PRR5L: variants seen among roughly 807,000 people sequenced by gnomAD.
PRR5L encodes the protein proline rich 5 like, also known as proline-rich protein 5-like.
A neutral mutation model predicts 36.4 loss-of-function variants in PRR5L; 21 were observed. That is an observed-to-expected ratio of 0.58 (90% CI 0.41 to 0.83). PRR5L has a LOEUF of 0.83. PRR5L is among the 40% of genes least tolerant of loss of function. The pLI is 0.00. For missense variants in PRR5L, 381 were observed against 473.3 expected (o/e 0.80, Z 1.81); for synonymous variants, 188 against 197.0 (o/e 0.95, Z 0.38).
chr11:36,462,616 C>A lies in PRR5L; in HGVS notation c.987C>A (p.Phe329Leu), dbSNP rs143061946. ...AGTGCCTGCTCCTGCCACCCAGCTT[C>A]CCCCCGCCCCACCGGCAGTGCTCCA... Reference protein sequence around the residue: ...ENKCLLLPPSFPPPHRQCSSE... With the variant: ...ENKCLLLPPSLPPPHRQCSSE... The change falls in exon 9 of 9, where the codon TTC becomes TTA. Residue 329 changes from phenylalanine to leucine, a missense_variant. Phe to Leu is a conservative substitution (Grantham distance 22). Coordinates refer to ENST00000530639, the MANE Select transcript of PRR5L (RefSeq NM_001160167.2). 6.2e-7 allele frequency: 1 copy of A among 1,612,326 alleles called. No individual in the cohort carries two copies. Among genetic ancestry groups the A allele is most frequent in the Non-Finnish European group, 8.5e-7 (1 of 1,179,828 alleles).
chr11:36,387,428 C>T (rs1354085308), intron 1 of PRR5L, among the ~76,000 whole-genome samples: 3 of 152,054 alleles, frequency 2.0e-5, no homozygotes, highest in Admixed American at 6.6e-5. Flanking sequence ...AAAAAGAAAT[C>T]GGTGATGGGC....
chr11:36,419,199 A>C, intron 3 of PRR5L, 56 bp from the exon 4 acceptor site: 5 of 1,556,864 alleles, frequency 3.2e-6, no homozygotes, highest in Non-Finnish European at 4.4e-6. Flanking sequence ...CATTGTCACC[A>C]TGAGCTGTAC....
At chr11:36,359,596 G>A (rs765230708) in intron 1 of PRR5L, among the ~76,000 whole-genome samples, 9 of 152,142 alleles carry the variant, frequency 5.9e-5, no homozygotes, top group Admixed American at 2.0e-4. Context: ...TCATTAAAAC[G>A]TAGAAAATAA....
intron 1 of PRR5L, among the ~76,000 whole-genome samples, 154 bp downstream of exon 1, chr11:36,296,592 C>T (rs1032560912): frequency 1.3e-5 from 2 of 152,204 alleles, no homozygotes; most frequent in African/African-American, 4.8e-5. Context: ...TGAAAAGCAA[C>T]AGAGGTCAAG....
Position 36,350,942 on chromosome 11 carries a change from A to ATG in PRR5L, c.-125-50054_-125-50053insGT, listed in dbSNP as rs1218331102. Among the ~76,000 whole-genome samples, 12 of 29,666 alleles carry ATG rather than the reference A, an allele frequency of 4.0e-4. 1 individual carries two copies. Among genetic ancestry groups the ATG allele is most frequent in the Non-Finnish European group, 6.3e-4 (11 of 17,364 alleles). 19.5% of individuals were successfully genotyped at this position (29,666 alleles called of 152,430 possible). On this transcript the variant is annotated intron_variant, in intron 1 of 8. Transcript: ENST00000530639. Reference sequence around the variant, plus strand: ...TATTTATATATATTTATATATTTATATATATATATTTATATATATTTATAT... The same window carrying ATG: ...TATTTATATATATTTATATATTTATATGTATATATATTTATATATATTTATAT...
At chr11:36,348,275 T>C (rs1856887789) in intron 1 of PRR5L, among the ~76,000 whole-genome samples, 1 of 152,318 alleles carries the variant, frequency 6.6e-6, no homozygotes, top group South Asian at 2.1e-4. Flanking sequence ...TTGGTTGTTT[T>C]CATCTGTAAA....
At chr11:36,351,903 T>C (rs528584695) in intron 1 of PRR5L, among the ~76,000 whole-genome samples, 59 of 150,764 alleles carry the variant, frequency 3.9e-4, no homozygotes, top group African/African-American at 1.4e-3. Context: ...CAAATATCTT[T>C]TTTGTATAAT....
intron 1 of PRR5L, among the ~76,000 whole-genome samples, chr11:36,366,197 G>C (rs1410432924): frequency 6.6e-6 from 1 of 152,138 alleles, no homozygotes. Flanking sequence ...TGACTAAGCT[G>C]TTTCTTTTAA....
chr11:36,419,995 GTTGGTAT>G (rs1174085312), intron 4 of PRR5L, among the ~76,000 whole-genome samples: 8 of 152,216 alleles, frequency 5.3e-5, no homozygotes, highest in Admixed American at 5.2e-4. Context: ...TCTATACATT[GTTGGTAT>G]AAAGCTAGTG....
At chr11:36,372,962 G>T (rs903869020) in intron 1 of PRR5L, among the ~76,000 whole-genome samples, 6 of 142,756 alleles carry the variant, frequency 4.2e-5, no homozygotes, top group Non-Finnish European at 7.6e-5. Flanking sequence ...TTCAGCTTTT[G>T]CGCTGCCTAA....
chr11:36,297,895 G>A (rs887680304), intron 1 of PRR5L, among the ~76,000 whole-genome samples: 6 of 152,212 alleles, frequency 3.9e-5, no homozygotes, highest in African/African-American at 1.4e-4. Flanking sequence ...CCTGGCAGGG[G>A]GAAGGGGAAA....
intron 7 of PRR5L, among the ~76,000 whole-genome samples, chr11:36,448,344 G>C (rs764063964): frequency 2.6e-5 from 4 of 152,066 alleles, no homozygotes; most frequent in Non-Finnish European, 5.9e-5. Flanking sequence ...TAGAAAAACA[G>C]CCCAAGTCTG....
intron 1 of PRR5L, among the ~76,000 whole-genome samples, chr11:36,327,899 C>T (rs1249158280): frequency 6.6e-6 from 1 of 152,210 alleles, no homozygotes; most frequent in East Asian, 1.9e-4. Context: ...CCAATGTACA[C>T]CTTACACTTA....
intron 1 of PRR5L, among the ~76,000 whole-genome samples, chr11:36,337,877 G>A (rs1055180425): frequency 7.9e-5 from 12 of 152,352 alleles, no homozygotes; most frequent in Non-Finnish European, 7.3e-5. Context: ...TTTCTTTAAT[G>A]TGAAACAGTT....
intron 1 of PRR5L, among the ~76,000 whole-genome samples, chr11:36,389,232 C>T (rs1857517372): frequency 6.6e-6 from 1 of 152,168 alleles, no homozygotes; most frequent in African/African-American, 2.4e-5. Context: ...GATCTTGTCA[C>T]ATTTCCTTCC....
intron 7 of PRR5L, among the ~76,000 whole-genome samples, chr11:36,450,771 G>C (rs1217789922): frequency 6.6e-6 from 1 of 152,134 alleles, no homozygotes; most frequent in African/African-American, 2.4e-5. Context: ...AAGCTCTCTG[G>C]GTCTTTAGTT....
chr11:36,329,466 A>G (rs1472551743), intron 1 of PRR5L: 1 of 152,242 alleles, frequency 6.6e-6, no homozygotes, highest in Non-Finnish European at 1.5e-5. Context: ...AAGACAATGA[A>G]TAGGACTGGA....
chr11:36,376,371 AGGAGGC>A (rs1315141750), intron 1 of PRR5L: 6 of 1,002,862 alleles, frequency 6.0e-6, no homozygotes, highest in African/African-American at 1.7e-5. Flanking sequence ...GAGGAGGAGG[AGGAGGC>A]GGCCGTAAGA....
At chr11:36,350,826 A>G (rs1353216026) in intron 1 of PRR5L, among the ~76,000 whole-genome samples, 1 of 148,660 alleles carries the variant, frequency 6.7e-6, no homozygotes, top group African/African-American at 2.5e-5. Flanking sequence ...CATTTAGAAT[A>G]ATGGTCTCCA....
Sources: allele counts gnomAD v4.1 joint callset (sites outside exome capture counted in the v4.1 genomes callset), GRCh38; gene constraint gnomAD v4.1.1; transcripts MANE v1.5; gene names NCBI Gene and HGNC (gene_info 2026-07-23, HGNC 2026-07-21).